WDR27: variants seen among roughly 807,000 people sequenced by gnomAD.
The protein encoded by WDR27 is WD repeat-containing protein 27.
Under a neutral mutation model 114.4 loss-of-function variants are expected in WDR27, and 100 were observed. The ratio of observed to expected loss-of-function variants is 0.87; its 90% confidence interval spans 0.74 to 1.03. The LOEUF is 1.03. Ranked by LOEUF, WDR27 falls within the 50% of genes least tolerant of loss-of-function variation. The probability of loss-of-function intolerance (pLI) is 0.00; values close to 1 mark genes in which losing one functional copy is unlikely to be tolerated. For synonymous variants in WDR27, 449 were observed against 423.1 expected, an observed-to-expected ratio of 1.06 and a Z score of -0.75; for missense variants, 1,129 against 1,092.9, an observed-to-expected ratio of 1.03 and a Z score of -0.47.
the WDR27 span, among the ~76,000 whole-genome samples, chr6:169,442,850 T>G: frequency 2.0e-5 from 3 of 152,196 alleles, no homozygotes; most frequent in Non-Finnish European, 4.4e-5. Context: ...TCCTGCTGCC[T>G]GGGGATTCTG....
At chr6:169,637,071 T>C (rs1285205476) in intron 18 of WDR27, among the ~76,000 whole-genome samples, 1 of 152,212 alleles carries the variant, frequency 6.6e-6, no homozygotes, top group Non-Finnish European at 1.5e-5. Context: ...GCTTTTTATG[T>C]TATGTTCTTT....
chr6:169,438,236 CTTTTT>C, the WDR27 span, among the ~76,000 whole-genome samples: 4 of 105,448 alleles, frequency 3.8e-5, no homozygotes, highest in Non-Finnish European at 5.8e-5. Context: ...TTTACTTTTT[CTTTTT>C]TTTTTTTTTT....
chr6:169,675,968 G>T (rs948350731), intron 2 of WDR27, among the ~76,000 whole-genome samples: 15 of 152,172 alleles, frequency 9.9e-5, no homozygotes, highest in African/African-American at 3.1e-4. Flanking sequence ...GTATGGCAAG[G>T]AAATATATTT....
intron 25 of WDR27, among the ~76,000 whole-genome samples, chr6:169,525,139 G>C (rs191634193): frequency 8.4e-4 from 128 of 152,166 alleles, no homozygotes; most frequent in South Asian, 3.5e-3. Flanking sequence ...CTCAAAAGAA[G>C]ACATACAAGT....
chr6:169,521,932 T>C (rs1794435209), intron 25 of WDR27, among the ~76,000 whole-genome samples: 1 of 151,810 alleles, frequency 6.6e-6, no homozygotes, highest in African/African-American at 2.4e-5. Flanking sequence ...AGAGAGGGGT[T>C]ACAAAACAAC....
intron 14 of WDR27, among the ~76,000 whole-genome samples, chr6:169,651,370 A>G (rs1230765763): frequency 1.3e-5 from 2 of 152,014 alleles, no homozygotes; most frequent in Non-Finnish European, 2.9e-5. Context: ...GGCGGGGGAT[A>G]TGTCTGCATT....
intron 25 of WDR27, among the ~76,000 whole-genome samples, chr6:169,519,462 G>A (rs1794086315): frequency 6.6e-6 from 1 of 152,142 alleles, no homozygotes; most frequent in Admixed American, 6.5e-5. Flanking sequence ...TTAATTCATG[G>A]CAGAAGGCAA....
intron 23 of WDR27, among the ~76,000 whole-genome samples, chr6:169,584,107 T>C (rs902438605): frequency 3.3e-5 from 5 of 152,178 alleles, no homozygotes; most frequent in Non-Finnish European, 7.3e-5. Flanking sequence ...CCTTCCATCA[T>C]CTATCTTGTG....
chr6:169,435,452 C>G, the WDR27 span, among the ~76,000 whole-genome samples: 2 of 152,200 alleles, frequency 1.3e-5, no homozygotes, highest in African/African-American at 4.8e-5. Flanking sequence ...ATGAAAGCAG[C>G]TGGGAGGAAG....
chr6:169,663,711 G>A (rs528952304), intron 8 of WDR27: 6 of 168,070 alleles, frequency 3.6e-5, no homozygotes, highest in African/African-American at 9.6e-5. Context: ...TGGCATCTGT[G>A]ATGCGCAGGA....
chr6:169,481,476 T>C (rs1277721905), intron 25 of WDR27, among the ~76,000 whole-genome samples: 1 of 152,210 alleles, frequency 6.6e-6, no homozygotes, highest in African/African-American at 2.4e-5. Flanking sequence ...GTGGAAACCT[T>C]GTTCTTTCAC....
At chr6:169,579,828 A>C (rs941292314) in intron 24 of WDR27, among the ~76,000 whole-genome samples, 22 of 152,330 alleles carry the variant, frequency 1.4e-4, no homozygotes, top group Middle Eastern at 3.4e-3. Flanking sequence ...ACTTTGCTCG[A>C]AAAAACCTGC....
chr6:169,627,247 A>G (rs867608414), intron 21 of WDR27, among the ~76,000 whole-genome samples: 30 of 152,344 alleles, frequency 2.0e-4, no homozygotes, highest in African/African-American at 7.2e-4. Flanking sequence ...TTACAATCAA[A>G]CTAACAAAAT....
At chr6:169,679,902 AG>A (rs761221918) in intron 2 of WDR27, among the ~76,000 whole-genome samples, 1 of 152,256 alleles carries the variant, frequency 6.6e-6, no homozygotes, top group African/African-American at 2.4e-5. Context: ...TTGGTAACAT[AG>A]GAAGTTTTAA....
At chr6:169,508,758 C>G in intron 25 of WDR27, among the ~76,000 whole-genome samples, 1 of 152,154 alleles carries the variant, frequency 6.6e-6, no homozygotes, top group Non-Finnish European at 1.5e-5. Flanking sequence ...GTGTTTAAAA[C>G]TTATAATTAT....
intron 25 of WDR27, among the ~76,000 whole-genome samples, chr6:169,553,494 A>C (rs2128106057): frequency 6.6e-6 from 1 of 152,284 alleles, no homozygotes; most frequent in South Asian, 2.1e-4. Flanking sequence ...AAACACACAG[A>C]TCAGCTGTTC....
rs77754766 is a variant in WDR27 at position 169,498,661 on chromosome 6, C to T, written c.2646-41027G>A. Among the ~76,000 whole-genome samples the T allele has an allele frequency of 4.0e-3, 607 of 152,246 alleles. 3 individuals carry two copies. The highest frequency in any genetic ancestry group is 7.1e-3 in the Non-Finnish European group (484 of 68,030). ...TTTCTCATCAGCAGAACCAGGAGCA[C>T]ATTGTGATGGATGTGACTGTCTAAA... On this transcript the variant is annotated intron_variant, in intron 25 of 25. Coordinates refer to ENST00000448612, the MANE Select transcript of WDR27 (RefSeq NM_182552.5).
chr6:169,596,765 A>T (rs909013029), intron 23 of WDR27, among the ~76,000 whole-genome samples: 1 of 152,172 alleles, frequency 6.6e-6, no homozygotes, highest in Non-Finnish European at 1.5e-5. Flanking sequence ...TTCTACATAG[A>T]GAGCTTGCAG....
At chr6:169,554,060 G>A (rs184764841) in intron 25 of WDR27, among the ~76,000 whole-genome samples, 9 of 152,026 alleles carry the variant, frequency 5.9e-5, no homozygotes, top group East Asian at 1.9e-4. Context: ...CTACAATTTC[G>A]CATGGACAGA....
Sources: allele counts gnomAD v4.1 joint callset (sites outside exome capture counted in the v4.1 genomes callset), GRCh38; gene constraint gnomAD v4.1.1; transcripts MANE v1.5; gene names NCBI Gene and HGNC (gene_info 2026-07-23, HGNC 2026-07-21).